Variants in TNXB observed in about 807,000 individuals in gnomAD.
The protein encoded by TNXB is tenascin-X.
In TNXB, 183 loss-of-function variants were observed where a neutral mutation model predicts 340.5. The observed-to-expected ratio is 0.54, with a 90% CI of 0.48 to 0.61. The LOEUF (loss-of-function observed/expected upper bound fraction) is 0.61. Among genes scored for constraint, TNXB ranks in the 20% least tolerant of loss-of-function variants. The pLI, the probability that TNXB is intolerant of heterozygous loss-of-function variation, is 0.00. For missense variants in TNXB, 4,613 were observed against 5,446.4 expected, an observed-to-expected ratio of 0.85 and a Z score of 4.82; for synonymous variants, 2,121 against 2,314.5, an observed-to-expected ratio of 0.92 and a Z score of 2.40.
At position 32,096,719 on chromosome 6, in the gene TNXB, C is replaced by G. The variant is rs1780408890; in HGVS notation, c.1134G>C (p.Arg378=). 1.9e-6 allele frequency: 3 copies of G among 1,539,406 alleles called. No homozygotes were observed. Among genetic ancestry groups the G allele is most frequent in the Non-Finnish European group, 8.7e-7 (1 of 1,146,070 alleles). The change falls in exon 3 of 44, where the codon CGG becomes CGC. Residue 378 remains arginine, a synonymous_variant. Coordinates refer to ENST00000644971, the MANE Select transcript of TNXB (RefSeq NM_001365276.2). Reference sequence around the variant, plus strand: ...CGCCGTCCTCGCAGCGCCCGCGGCCCCGGCAGTCCCTCGGACATGTCCGCG... The same window carrying G: ...CGCCGTCCTCGCAGCGCCCGCGGCCGCGGCAGTCCCTCGGACATGTCCGCG... ...CSTRTCPRDC[R]GRGRCEDGEC...
Position 32,069,060 on chromosome 6 carries a change from T to C in TNXB, c.5664A>G (p.Thr1888=), listed in dbSNP as rs2151915389. The C allele has an allele frequency of 3.1e-6, 5 of 1,612,780 alleles. No homozygotes were observed. The highest frequency in any genetic ancestry group is 4.2e-6 in the Non-Finnish European group (5 of 1,179,846). The change falls in exon 16 of 44, where the codon ACA becomes ACG. Residue 1888 remains threonine (T), a synonymous_variant. Transcript: ENST00000644971. The surrounding 1 kb of genome is among the most constrained non-coding windows in gnomAD (Gnocchi z 6.2). ...PAPEPHLGEL[T]VEEATSHTLH... is the part of the protein sequence containing the mutation. ...GGGTGTGTGACGTGGCCTCCTCCACTGTCAACTCCCCGAGGTGGGGCTCAG... is the reference window on the plus strand; with the variant it reads ...GGGTGTGTGACGTGGCCTCCTCCACCGTCAACTCCCCGAGGTGGGGCTCAG...
In TNXB at chr6:32,089,507, C is replaced by T. The variant is rs1779984555; in HGVS notation, c.2359-128G>A. On this transcript the variant is annotated intron_variant, in intron 4 of 43. Coordinates refer to ENST00000644971, the MANE Select transcript of TNXB (RefSeq NM_001365276.2). This position sits in a 1 kb window ranked among gnomAD's most constrained non-coding sequence, Gnocchi z 6.2. ...GTACTGTGTGGAACTTGACCCTGTA[C>T]AAGCTGGGGAGCAAACATGCTGAGA... 8.0e-7 allele frequency: 1 copy of T among 1,257,254 alleles called. No homozygotes were observed. Among genetic ancestry groups the T allele is most frequent in the Non-Finnish European group, 1.1e-6 (1 of 936,376 alleles). The allele number at this position is 1,257,254 out of a possible 1,614,324, so 77.9% of individuals were successfully genotyped here.
chr6:32,070,055 G>A lies in TNXB; in HGVS notation c.5278+72C>T. ...CTGGGGCCAAATAATGGTAATGGCA[G>A]CCACCACAAGTGACCGTCTGCTGCT... On this transcript the variant is annotated intron_variant, in intron 14 of 43. Transcript: ENST00000644971. This position sits in a 1 kb window ranked among gnomAD's most constrained non-coding sequence, Gnocchi z 6.0. 2.1e-6 allele frequency: 3 copies of A among 1,458,972 alleles called. No individual in the cohort carries two copies. The highest frequency in any genetic ancestry group is 2.7e-6 in the Non-Finnish European group (3 of 1,108,500). 90.4% of individuals were successfully genotyped at this position (1,458,972 alleles called of 1,614,324 possible).
In TNXB at chr6:32,083,584, C is replaced by T. The variant is rs1252440107; in HGVS notation, c.3445+829G>A. 1.3e-5 allele frequency among the ~76,000 whole-genome samples: 2 copies of T among 152,210 alleles called. No individual in the cohort carries two copies. The highest frequency in any genetic ancestry group is 2.4e-5 in the African/African-American group (1 of 41,440). ...CCAGAACCCTGGGGGCTGCCTGGTA[C>T]ACCTTGCTTTCCTTCGCCTCCCCCA... On this transcript the variant is annotated intron_variant, in intron 8 of 43. Coordinates refer to ENST00000644971, the MANE Select transcript of TNXB (RefSeq NM_001365276.2). The surrounding 1 kb of genome is among the most constrained non-coding windows in gnomAD (Gnocchi z 4.6).
rs1209946866 is a variant in TNXB, at chr6:32,047,702, C to T, written c.10324+32G>A. 1 of 1,554,248 alleles carries T rather than the reference C, an allele frequency of 6.4e-7. No homozygotes were observed. The highest frequency in any genetic ancestry group is 1.4e-5 in the African/African-American group (1 of 73,726). ...CTGAGGGCTCGGATGAGAGGCAGCT[C>T]TGGAAAAGGTGGAGGCTGGACTGGG... On this transcript the variant is annotated intron_variant, in intron 30 of 43. Transcript: ENST00000644971. The surrounding 1 kb of genome is among the most constrained non-coding windows in gnomAD (Gnocchi z 6.2).
Position 32,084,714 on chromosome 6 carries a change from A to G in TNXB, c.3149-5T>C, listed in dbSNP as rs759466767. 6 of 1,553,474 alleles carry G rather than the reference A, an allele frequency of 3.9e-6. No homozygotes were observed. Among genetic ancestry groups the G allele is most frequent in the Non-Finnish European group, 4.4e-6 (5 of 1,147,122 alleles). On this transcript the variant is annotated splice_region_variant and splice_polypyrimidine_tract_variant and intron_variant, in intron 7 of 43. Coordinates refer to ENST00000644971, the MANE Select transcript of TNXB (RefSeq NM_001365276.2). The surrounding 1 kb of genome is among the most constrained non-coding windows in gnomAD (Gnocchi z 5.5). ...CAGGCTTCTCCTCATCCTTGTCTGG[A>G]GTTTGAGAGGCAAAAGCAAAGCATA...
At position 32,064,002 on chromosome 6, in the gene TNXB, T is replaced by A. The variant is rs1006822386; in HGVS notation, c.6841+819A>T. ...GAGCTTAGAGAACACATACAATTTTTCCCACTGAAATCAGTGATAATTATG... is the reference window on the plus strand; with the variant it reads ...GAGCTTAGAGAACACATACAATTTTACCCACTGAAATCAGTGATAATTATG... On this transcript the variant is annotated intron_variant, in intron 19 of 43. Coordinates refer to ENST00000644971, the MANE Select transcript of TNXB (RefSeq NM_001365276.2). The surrounding 1 kb of genome is among the most constrained non-coding windows in gnomAD (Gnocchi z 5.3). Among the ~76,000 whole-genome samples, 1 of 152,186 alleles carries A rather than the reference T, an allele frequency of 6.6e-6. No homozygotes were observed. The highest frequency in any genetic ancestry group is 1.5e-5 in the Non-Finnish European group (1 of 68,030).
chr6:32,096,874 C>A lies in TNXB; in HGVS notation c.979G>T (p.Val327Leu), dbSNP rs779419589. The change falls in exon 3 of 44, where the codon GTG (valine) becomes TTG (leucine). Residue 327 changes from valine to leucine, a missense_variant. Physicochemically the swap from Val to Leu is conservative, Grantham distance 32. Transcript: ENST00000644971. ...QRGRCKDGRC[V>L]CDPGYTGEDC... ...TCGCCAGTGTAGCCGGGGTCACACA[C>A]GCAGCGCCCGTCCTTGCAGCGTCCC... 6.2e-7 allele frequency: 1 copy of A among 1,608,404 alleles called. No homozygotes were observed. The highest frequency in any genetic ancestry group is 2.2e-5 in the East Asian group (1 of 44,604).
In TNXB at chr6:32,048,418, G is replaced by A. The variant is rs745376660; in HGVS notation, c.9990C>T (p.Leu3330=). ...GGCGTTTCCCATTCTGGAGTCCAAA[G>A]AGCAGGAACTTGTACTTGCGGGCCG... ...LDPARKYKFL[L]FGLQNGKRHG... The change falls in exon 29 of 44, where the codon CTC becomes CTT. Residue 3330 remains leucine, a synonymous_variant. Transcript: ENST00000644971. 2.4e-5 allele frequency: 37 copies of A among 1,555,652 alleles called. No homozygotes were observed. Among genetic ancestry groups the A allele is most frequent in the Non-Finnish European group, 3.1e-5 (36 of 1,146,200 alleles).
chr6:32,092,994 C>A (rs1408324389), intron 4 of TNXB, among the ~76,000 whole-genome samples: 1 of 152,254 alleles, frequency 6.6e-6, no homozygotes, highest in Non-Finnish European at 1.5e-5. Flanking sequence ...GGGAGAAAGT[C>A]TAGGGCTTCA....
chr6:32,065,002 C>T lies in TNXB; in HGVS notation c.6660G>A (p.Gln2220=). The T allele has an allele frequency of 6.2e-7, 1 of 1,612,204 alleles. No homozygotes were observed. Among genetic ancestry groups the T allele is most frequent in the Non-Finnish European group, 8.5e-7 (1 of 1,179,580 alleles). ...TAAACTGGACCAAGAAATGGTCAAACTGGCCCTCGGGGACTGTCCAGGAGA... is the reference window on the plus strand; with the variant it reads ...TAAACTGGACCAAGAAATGGTCAAATTGGCCCTCGGGGACTGTCCAGGAGA... ...LSLSWTVPEG[Q]FDHFLVQFKN... Residue 2220 remains glutamine, a synonymous_variant, in exon 19 of 44, where the codon CAG becomes CAA. Coordinates refer to ENST00000644971, the MANE Select transcript of TNXB (RefSeq NM_001365276.2).
chr6:32,061,466 A>G lies in TNXB; in HGVS notation c.7423T>C (p.Tyr2475His). 1.9e-6 allele frequency: 3 copies of G among 1,613,358 alleles called. No homozygotes were observed. Residue 2475 changes from tyrosine (Y) to histidine (H), a missense_variant, in exon 21 of 44, where the codon TAC becomes CAC. Coordinates refer to ENST00000644971, the MANE Select transcript of TNXB (RefSeq NM_001365276.2). The surrounding 1 kb of genome is among the most constrained non-coding windows in gnomAD (Gnocchi z 4.4). ...TGGAGGCCATACAGGTGCATCTTGT[A>G]TTTGCGCCCAGGCTCCAGGCCCCCC... ...TVGGLEPGRK[Y>H]KMHLYGLHEG...
chr6:32,095,382 GAATC>G (rs1780272396), intron 3 of TNXB, among the ~76,000 whole-genome samples, 191 bp from the exon 4 acceptor site: 1 of 152,096 alleles, frequency 6.6e-6, no homozygotes, highest in African/African-American at 2.4e-5. Flanking sequence ...CAGGAGCACA[GAATC>G]TCCCTAAATG....
At position 32,072,585 on chromosome 6, in the gene TNXB, T is replaced by C. The variant is rs982798862; in HGVS notation, c.4682-287A>G. On this transcript the variant is annotated intron_variant, in intron 12 of 43. Transcript: ENST00000644971. The surrounding 1 kb of genome is among the most constrained non-coding windows in gnomAD (Gnocchi z 4.4). ...TTATATCCATCACTGCTTCTAAATT[T>C]TGTAGTTTAGTAAACGCGCCACCAA... is the stretch of plus-strand genomic sequence containing the variant. 6.6e-6 allele frequency among the ~76,000 whole-genome samples: 1 copy of C among 152,246 alleles called. No homozygotes were observed. Among genetic ancestry groups the C allele is most frequent in the African/African-American group, 2.4e-5 (1 of 41,466 alleles).
Position 32,073,803 on chromosome 6 carries a change from T to C in TNXB, c.4525A>G (p.Lys1509Glu). Residue 1509 changes from lysine to glutamate, a missense_variant, in exon 12 of 44, where the codon AAG (lysine) becomes GAG (glutamate). Coordinates refer to ENST00000644971, the MANE Select transcript of TNXB (RefSeq NM_001365276.2). The surrounding 1 kb of genome is among the most constrained non-coding windows in gnomAD (Gnocchi z 4.6). ...ACCTGGGGCTGCCCGTCCTTGTCCT[T>C]GTACTGGACTATGAAGGAGTCAAAC... ...GQFDSFIVQY[K>E]DKDGQPQVVP... 6.2e-7 allele frequency: 1 copy of C among 1,612,754 alleles called. No homozygotes were observed. Among genetic ancestry groups the C allele is most frequent in the Non-Finnish European group, 8.5e-7 (1 of 1,179,506 alleles).
intron 34 of TNXB, 23 bp from the exon 35 acceptor site, chr6:32,043,915 G>T (rs1314765900): frequency 8.1e-6 from 13 of 1,613,376 alleles, no homozygotes; most frequent in East Asian, 2.2e-5. Context: ...GGGATCGAGG[G>T]TTACCCAGGG....
rs1776847658 is a variant in TNXB at position 32,046,080 on chromosome 6, GCCTGCCCACT to G, written c.10606+85_10606+94del. On this transcript the variant is annotated intron_variant, in intron 31 of 43. Transcript: ENST00000644971. This position sits in a 1 kb window ranked among gnomAD's most constrained non-coding sequence, Gnocchi z 6.9. ...GGACAGGCCAGGGCGCCCCACTCCG[GCCTGCCCACT>G]CCTGCAGTCATCTTTGTCTTCAGCC... is the stretch of plus-strand genomic sequence containing the variant. 1 of 1,503,266 alleles carries G rather than the reference GCCTGCCCACT, an allele frequency of 6.7e-7. No homozygotes were observed. The highest frequency in any genetic ancestry group is 8.9e-7 in the Non-Finnish European group (1 of 1,127,316). The allele number at this position is 1,503,266 out of a possible 1,614,324, so 93.1% of individuals were successfully genotyped here.
At position 32,096,783 on chromosome 6, in the gene TNXB, C is replaced by A; in HGVS notation, c.1070G>T (p.Cys357Phe). The part of the protein sequence containing the change: ...GEGGRCVDGR[C>F]VCWPGYTGED... ...GCCTGTGTACCCGGGCCAGCACACG[C>A]AGCGGCCGTCCACGCAGCGCCCGCC... is the stretch of plus-strand genomic sequence containing the variant. The change falls in exon 3 of 44, where the codon TGC (cysteine) becomes TTC (phenylalanine). Residue 357 changes from cysteine to phenylalanine, a missense_variant. Physicochemically the swap from Cys to Phe is radical, Grantham distance 205. This residue lies in a region of TNXB where 4,327 missense variants were observed against 4,859.4 expected (regional missense o/e 0.89). Transcript: ENST00000644971. 1.3e-6 allele frequency: 2 copies of A among 1,572,904 alleles called. No homozygotes were observed. The highest frequency in any genetic ancestry group is 1.7e-6 in the Non-Finnish European group (2 of 1,160,616).
intron 1 of TNXB, 41 bp from the exon 2 acceptor site, chr6:32,098,247 G>C: frequency 7.0e-7 from 1 of 1,434,318 alleles, no homozygotes; most frequent in Non-Finnish European, 9.2e-7. Flanking sequence ...GCTTCAAAAA[G>C]GAGACAAAAT....
Sources: gnomAD v4.1 joint callset for allele counts (sites outside exome capture counted in the v4.1 genomes callset) on GRCh38, gnomAD v4.1.1 for gene constraint, gnomAD v4.1.1 regional missense constraint, Gnocchi (gnomAD v3.1) non-coding constraint, MANE v1.5 for transcripts, NCBI Gene and HGNC (gene_info 2026-07-23, HGNC 2026-07-21) for gene names.